The following KPNA1 variants were observed in gnomAD, a reference collection of about 807,000 sequenced individuals.
The protein encoded by KPNA1 is karyopherin subunit alpha 1.
A neutral mutation model predicts 70.5 loss-of-function variants in KPNA1; 10 were observed. The ratio of observed to expected loss-of-function variants is 0.14; its 90% CI spans 0.09 to 0.24. KPNA1 has a LOEUF of 0.24. Ranked by LOEUF, KPNA1 falls within the 10% of genes least tolerant of loss-of-function variation. The probability of loss-of-function intolerance (pLI) is 1.00; values close to 1 mark genes in which losing one functional copy is unlikely to be tolerated. For missense variants in KPNA1, 397 were observed against 637.9 expected, an observed-to-expected ratio of 0.62 and a Z score of 4.07; for synonymous variants, 192 against 221.9, an observed-to-expected ratio of 0.87 and a Z score of 1.20.
chr3:122,441,469 T>C (rs1027845865), intron 10 of KPNA1, among the ~76,000 whole-genome samples: 7 of 152,130 alleles, frequency 4.6e-5, no homozygotes, highest in Non-Finnish European at 1.0e-4. Context: ...TGAGAACTAT[T>C]TCAAATAGGA....
intron 3 of KPNA1, among the ~76,000 whole-genome samples, chr3:122,464,987 ATT>A (rs2076364139): frequency 1.3e-5 from 2 of 152,320 alleles, no homozygotes; most frequent in South Asian, 4.1e-4. Context: ...TTTCTATATG[ATT>A]TGTTATGAAT....
chr3:122,462,881 A>G (rs1030587949), intron 4 of KPNA1, among the ~76,000 whole-genome samples: 4 of 152,172 alleles, frequency 2.6e-5, no homozygotes, highest in African/African-American at 4.8e-5. Context: ...TTACTTGCCC[A>G]GGTTGATAAC....
intron 1 of KPNA1, among the ~76,000 whole-genome samples, chr3:122,501,015 CT>C (rs2076822982): frequency 1.4e-5 from 2 of 141,222 alleles, no homozygotes; most frequent in South Asian, 4.5e-4. Context: ...GATCTTTCTT[CT>C]TTTCTTTTCT....
chr3:122,480,999 A>G (rs1404976764), intron 2 of KPNA1, among the ~76,000 whole-genome samples: 3 of 152,164 alleles, frequency 2.0e-5, no homozygotes, highest in African/African-American at 7.2e-5. Flanking sequence ...AAAAAAGATA[A>G]CAAGTGTTCC....
chr3:122,446,060 C>T (rs540997603), intron 9 of KPNA1, among the ~76,000 whole-genome samples: 1 of 152,238 alleles, frequency 6.6e-6, no homozygotes, highest in Admixed American at 6.5e-5. Flanking sequence ...TACACTCCCA[C>T]GCAATAATAA....
Position 122,425,699 on chromosome 3 carries a change from T to C in KPNA1, c.*1286A>G, listed in dbSNP as rs2075814021. 6.6e-6 allele frequency: 1 copy of C among 152,660 alleles called. No homozygotes were observed. The highest frequency in any genetic ancestry group is 2.4e-5 in the African/African-American group (1 of 41,426). The allele number at this position is 152,660 out of a possible 1,614,324, so 9.5% of individuals were successfully genotyped here. ...ATCATTAAATGAGCCAGAAGGCAGATACTGTTTTTATTTTGTGTGGGGGGA... is the reference window on the plus strand; with the variant it reads ...ATCATTAAATGAGCCAGAAGGCAGACACTGTTTTTATTTTGTGTGGGGGGA... On this transcript the variant is annotated 3_prime_UTR_variant, in exon 14 of 14. Coordinates refer to ENST00000344337, the MANE Select transcript of KPNA1 (RefSeq NM_002264.4).
At chr3:122,496,617 T>A in intron 1 of KPNA1, 47 bp from the exon 2 acceptor site, 2 of 1,565,716 alleles carry the variant, frequency 1.3e-6, no homozygotes, top group Admixed American at 1.7e-5. Context: ...TGTGAAGAGC[T>A]CTGTTATTCT....
chr3:122,497,163 A>AT (rs1391041780), intron 1 of KPNA1, among the ~76,000 whole-genome samples: 1 of 152,254 alleles, frequency 6.6e-6, no homozygotes, highest in African/African-American at 2.4e-5. Context: ...GACATTTCAC[A>AT]TGAACAGAAC....
At chr3:122,430,336 C>A (rs1393454132) in intron 12 of KPNA1, among the ~76,000 whole-genome samples, 1 of 152,006 alleles carries the variant, frequency 6.6e-6, no homozygotes, top group Admixed American at 6.6e-5. Context: ...GTTTTTGGGT[C>A]TATATTTTGA....
chr3:122,459,318 G>A, intron 5 of KPNA1: 1 of 545,806 alleles, frequency 1.8e-6, no homozygotes, highest in Non-Finnish European at 2.3e-6. Context: ...ATGCATAAAA[G>A]AACTACCACC....
At chr3:122,489,285 G>GTT (rs764980993) in intron 2 of KPNA1, among the ~76,000 whole-genome samples, 1 of 109,554 alleles carries the variant, frequency 9.1e-6, no homozygotes, top group Non-Finnish European at 2.2e-5. Context: ...TACTTTGTTT[G>GTT]TTTTTTTTTG....
chr3:122,448,852 G>A (rs969665844), intron 9 of KPNA1, among the ~76,000 whole-genome samples: 1 of 152,038 alleles, frequency 6.6e-6, no homozygotes, highest in Admixed American at 6.5e-5. Flanking sequence ...TCAGACTCCT[G>A]CAGCATCATA....
chr3:122,433,786 A>C lies in KPNA1; in HGVS notation c.1125T>G (p.Thr375=). The stretch of plus-strand genomic sequence containing the variant: ...CTGGGAAAATGTTGGCATCTATCAC[A>C]GTCTAAAATTAAAGAAAAACTTAAA... The part of the protein sequence containing the change: ...ITAGNRAQIQ[T]VIDANIFPAL... The change falls in exon 12 of 14, where the codon ACT becomes ACG. Residue 375 remains threonine, a splice_region_variant and synonymous_variant. Coordinates refer to ENST00000344337, the MANE Select transcript of KPNA1 (RefSeq NM_002264.4). 1 of 1,581,690 alleles carries C rather than the reference A, an allele frequency of 6.3e-7. No homozygotes were observed. The highest frequency in any genetic ancestry group is 8.5e-7 in the Non-Finnish European group (1 of 1,170,150).
chr3:122,450,081 T>C (rs1467079411), intron 8 of KPNA1, among the ~76,000 whole-genome samples: 3 of 152,248 alleles, frequency 2.0e-5, no homozygotes, highest in African/African-American at 7.2e-5. Flanking sequence ...GTATTTTAGA[T>C]ACTTTGTTAA....
intron 9 of KPNA1, 34 bp downstream of exon 9, chr3:122,449,536 GGAGA>G (rs771381371): frequency 6.5e-6 from 10 of 1,539,328 alleles, no homozygotes; most frequent in Non-Finnish European, 8.0e-6. Flanking sequence ...TAGTACCAAG[GGAGA>G]GAAAGTGGAC....
chr3:122,450,031 G>A (rs995267151), intron 8 of KPNA1, among the ~76,000 whole-genome samples: 1 of 152,046 alleles, frequency 6.6e-6, no homozygotes, highest in Admixed American at 6.6e-5. Flanking sequence ...GGACTAAACA[G>A]GTAAAGGAAC....
chr3:122,427,233 T>C, intron 13 of KPNA1, 61 bp from the exon 14 acceptor site: 1 of 1,205,792 alleles, frequency 8.3e-7, no homozygotes, highest in Non-Finnish European at 1.2e-6. Context: ...GGAAATTCCA[T>C]AACTATATAT....
At chr3:122,467,280 T>C (rs753555590) in intron 3 of KPNA1, 42 bp downstream of exon 3, 3 of 1,102,388 alleles carry the variant, frequency 2.7e-6, no homozygotes, top group African/African-American at 1.6e-5. Flanking sequence ...CTACATCTCA[T>C]ATCTTCATCA....
In KPNA1 at chr3:122,433,797, A is replaced by G. The variant is rs372648677; in HGVS notation, c.1123-9T>C. ...TTGGCATCTATCACAGTCTAAAATTAAAGAAAAACTTAAATGGAAAAAACT... is the reference window on the plus strand; with the variant it reads ...TTGGCATCTATCACAGTCTAAAATTGAAGAAAAACTTAAATGGAAAAAACT... On this transcript the variant is annotated splice_polypyrimidine_tract_variant and intron_variant, in intron 11 of 13. Coordinates refer to ENST00000344337, the MANE Select transcript of KPNA1 (RefSeq NM_002264.4). 1 of 1,573,154 alleles carries G rather than the reference A, an allele frequency of 6.4e-7. No homozygotes were observed. The highest frequency in any genetic ancestry group is 1.4e-5 in the African/African-American group (1 of 72,372).
Sources: allele counts gnomAD v4.1 joint callset (sites outside exome capture counted in the v4.1 genomes callset), GRCh38; gene constraint gnomAD v4.1.1; transcripts MANE v1.5; gene names NCBI Gene and HGNC (gene_info 2026-07-23, HGNC 2026-07-21).